ZRANB3: variants seen among roughly 807,000 people sequenced by gnomAD.
ZRANB3 encodes zinc finger RANBP2-type containing 3.
ZRANB3 carries 125 observed loss-of-function variants against 133.8 expected under a neutral mutation model. That is an observed-to-expected ratio of 0.93 (90% CI 0.81 to 1.08). ZRANB3 has a LOEUF of 1.08. Ranked by LOEUF, ZRANB3 falls within the 50% of genes least tolerant of loss-of-function variation. The pLI, the probability that ZRANB3 is intolerant of heterozygous loss-of-function variation, is 0.00. For synonymous variants in ZRANB3, 387 were observed against 432.7 expected, an observed-to-expected ratio of 0.89 and a Z score of 1.31; for missense variants, 1,229 against 1,275.5, an observed-to-expected ratio of 0.96 and a Z score of 0.56.
chr2:135,238,198 T>C (rs926253669), intron 12 of ZRANB3, among the ~76,000 whole-genome samples: 1 of 152,152 alleles, frequency 6.6e-6, no homozygotes, highest in Non-Finnish European at 1.5e-5. Flanking sequence ...GGAACTATGT[T>C]AGAAACACAG....
chr2:135,400,313 C>A (rs531975341), intron 2 of ZRANB3, among the ~76,000 whole-genome samples: 2 of 152,028 alleles, frequency 1.3e-5, no homozygotes, highest in East Asian at 3.9e-4. Flanking sequence ...TGTGTGTTCA[C>A]TCTTCTGATA....
intron 2 of ZRANB3, among the ~76,000 whole-genome samples, chr2:135,392,963 T>G (rs1251968268): frequency 1.3e-5 from 2 of 151,978 alleles, no homozygotes; most frequent in African/African-American, 4.8e-5. Flanking sequence ...ACTGCAGCCT[T>G]GACCTCTAAT....
chr2:135,306,316 C>A (rs1006017314), intron 8 of ZRANB3, among the ~76,000 whole-genome samples: 13 of 136,736 alleles, frequency 9.5e-5, no homozygotes, highest in African/African-American at 3.3e-4. Context: ...GAGGTGGAGT[C>A]TCACTCTGTC....
Position 135,350,105 on chromosome 2 carries a change from T to C in ZRANB3, c.470A>G (p.Asp157Gly). 6.2e-7 allele frequency: 1 copy of C among 1,613,710 alleles called. No individual in the cohort carries two copies. Among genetic ancestry groups the C allele is most frequent in the Non-Finnish European group, 8.5e-7 (1 of 1,179,756 alleles). Residue 157 changes from aspartate to glycine, a missense_variant, in exon 5 of 21, where the codon GAT becomes GGT. Transcript: ENST00000264159. ...NNQNFKVVIV[D>G]ESHYMKSRNA... is the part of the protein sequence containing the mutation. ...TCTGGATTTCATGTAGTGTGATTCA[T>C]CCACTATAACTACTTTGAAGTTCTG...
intron 2 of ZRANB3, among the ~76,000 whole-genome samples, chr2:135,422,536 G>A (rs76025923): frequency 0.069 from 10,476 of 151,934 alleles, 758 homozygotes; most frequent in African/African-American, 0.19. Flanking sequence ...GACAGAAGGA[G>A]AAAAAAGCAA....
At chr2:135,238,819 T>G (rs1573737352) in intron 12 of ZRANB3, 1 of 152,304 alleles carries the variant, frequency 6.6e-6, no homozygotes, top group Non-Finnish European at 1.5e-5. Context: ...GGAGAAATCC[T>G]GCGGTGTTCC....
chr2:135,489,882 G>A (rs1692298729), intron 2 of ZRANB3, among the ~76,000 whole-genome samples: 1 of 152,078 alleles, frequency 6.6e-6, no homozygotes, highest in African/African-American at 2.4e-5. Context: ...CTTCAAAGAA[G>A]CAAGCCAAAA....
rs1419766977 is a variant in ZRANB3, at chr2:135,202,918, C to A, written c.3055G>T (p.Val1019Leu). 1.9e-6 allele frequency: 3 copies of A among 1,612,760 alleles called. No individual in the cohort carries two copies. Among genetic ancestry groups the A allele is most frequent in the South Asian group, 1.1e-5 (1 of 90,622 alleles). Residue 1019 changes from valine (V) to leucine (L), a missense_variant, in exon 20 of 21, where the codon GTG (valine) becomes TTG (leucine). By Grantham distance (32) the Val-to-Leu change is conservative. Transcript: ENST00000264159. ...RNPGEGHFWQVDHIKPVYGGG... is the reference protein window; with the variant it reads ...RNPGEGHFWQLDHIKPVYGGG... ...CCATACACTGGCTTGATGTGATCCACCTGCCAGAAATGTCCTTCCCCTGGG... is the reference window on the plus strand; with the variant it reads ...CCATACACTGGCTTGATGTGATCCAACTGCCAGAAATGTCCTTCCCCTGGG...
chr2:135,364,909 C>T (rs147380848), intron 3 of ZRANB3, among the ~76,000 whole-genome samples: 60 of 151,808 alleles, frequency 4.0e-4, no homozygotes, highest in Non-Finnish European at 5.9e-4. Flanking sequence ...ATTAGCCGGG[C>T]GTGGTGGCAC....
chr2:135,470,264 CA>C (rs1691197247), intron 2 of ZRANB3, among the ~76,000 whole-genome samples: 1 of 151,322 alleles, frequency 6.6e-6, no homozygotes, highest in East Asian at 1.9e-4. Context: ...GACGAAGCTG[CA>C]GTGAGCCGAG....
At chr2:135,248,904 TCAACAACAA>T (rs796422861) in intron 12 of ZRANB3, among the ~76,000 whole-genome samples, 1 of 151,696 alleles carries the variant, frequency 6.6e-6, no homozygotes, top group Non-Finnish European at 1.5e-5. Flanking sequence ...AGACTCTGTC[TCAACAACAA>T]CAACAACAAA....
intron 12 of ZRANB3, among the ~76,000 whole-genome samples, chr2:135,260,521 T>A (rs1437605635): frequency 6.6e-6 from 1 of 151,422 alleles, no homozygotes; most frequent in Non-Finnish European, 1.5e-5. Flanking sequence ...ACTCATACAT[T>A]TGTGTGGATT....
At chr2:135,264,813 C>A (rs1680145079) in intron 12 of ZRANB3, among the ~76,000 whole-genome samples, 1 of 151,316 alleles carries the variant, frequency 6.6e-6, no homozygotes, top group African/African-American at 2.4e-5. Flanking sequence ...GCAATGCAAT[C>A]TCAGCTCACG....
chr2:135,458,730 T>A (rs752659802), intron 2 of ZRANB3, among the ~76,000 whole-genome samples: 1 of 152,092 alleles, frequency 6.6e-6, no homozygotes, highest in Non-Finnish European at 1.5e-5. Flanking sequence ...TCTATTCTAA[T>A]CCACCCAGTA....
At chr2:135,495,926 C>A (rs1692640540) in intron 2 of ZRANB3, among the ~76,000 whole-genome samples, 1 of 152,088 alleles carries the variant, frequency 6.6e-6, no homozygotes. Context: ...TAAAGCTTGG[C>A]AGGAGATGAA....
Position 135,350,169 on chromosome 2 carries a change from T to C in ZRANB3, c.406A>G (p.Thr136Ala). The C allele has an allele frequency of 6.2e-7, 1 of 1,609,694 alleles. No homozygotes were observed. Among genetic ancestry groups the C allele is most frequent in the Non-Finnish European group, 8.5e-7 (1 of 1,177,768 alleles). The change falls in exon 5 of 21, where the codon ACC (threonine) becomes GCC (alanine). Residue 136 changes from threonine to alanine, a missense_variant. Transcript: ENST00000264159. ...KVTVLGYGLL[T>A]ADAKTLIDAL... is the part of the protein sequence containing the mutation. ...TCTATCAAAGTCTTTGCATCTGCGG[T>C]TAAGAGACCATAACCCAGAACTGTC... is the stretch of plus-strand genomic sequence containing the variant.
At chr2:135,457,148 T>G (rs1435023271) in intron 2 of ZRANB3, among the ~76,000 whole-genome samples, 1 of 152,218 alleles carries the variant, frequency 6.6e-6, no homozygotes, top group Non-Finnish European at 1.5e-5. Context: ...ATACAGTGTA[T>G]TAGTATTCCA....
At chr2:135,336,365 T>A (rs1684370964) in intron 6 of ZRANB3, among the ~76,000 whole-genome samples, 1 of 152,244 alleles carries the variant, frequency 6.6e-6, no homozygotes, top group African/African-American at 2.4e-5. Flanking sequence ...AATATGGGTC[T>A]AGAACTGAAT....
At chr2:135,203,074 T>C in intron 19 of ZRANB3, 111 bp from the exon 20 acceptor site, 1 of 1,314,408 alleles carries the variant, frequency 7.6e-7, no homozygotes. Context: ...TGGGGAAAAA[T>C]ACATCAGGAG....
Sources: allele counts gnomAD v4.1 joint callset (sites outside exome capture counted in the v4.1 genomes callset), GRCh38; gene constraint gnomAD v4.1.1; transcripts MANE v1.5; gene names NCBI Gene and HGNC (gene_info 2026-07-23, HGNC 2026-07-21).